The following RERE variants were observed in gnomAD, a reference collection of about 807,000 sequenced individuals.
RERE encodes arginine-glutamic acid dipeptide repeats.
Under a neutral mutation model 146.1 loss-of-function variants are expected in RERE, and 40 were observed. The ratio of observed to expected loss-of-function variants is 0.27; its 90% confidence interval spans 0.21 to 0.36. RERE has a LOEUF of 0.36. RERE is among the 10% of genes least tolerant of loss of function. RERE has a pLI of 1.00. For missense variants in RERE, 1,933 were observed against 2,138.7 expected (o/e 0.90, Z 1.90); for synonymous variants, 1,003 against 866.0 (o/e 1.16, Z -2.78).
At chr1:8,527,957 C>T (rs1570394046) in intron 7 of RERE, among the ~76,000 whole-genome samples, 2 of 152,332 alleles carry the variant, frequency 1.3e-5, no homozygotes, top group East Asian at 3.9e-4. Flanking sequence ...GGAATCCTCT[C>T]ACTGTACCTC....
chr1:8,547,858 T>A (rs1053798620), intron 6 of RERE, among the ~76,000 whole-genome samples: 1 of 152,176 alleles, frequency 6.6e-6, no homozygotes, highest in Non-Finnish European at 1.5e-5. Context: ...CCCACTATTA[T>A]AAATGCACCC....
intron 1 of RERE, among the ~76,000 whole-genome samples, chr1:8,745,152 T>C (rs114249169): frequency 0.011 from 1,605 of 152,184 alleles, 26 homozygotes; most frequent in African/African-American, 0.036. Context: ...CAGGAGGTGA[T>C]TGGATCACAG....
rs573181480 is a variant in RERE, at chr1:8,691,916, A to G, written c.-144-35475T>C. 8.5e-4 allele frequency among the ~76,000 whole-genome samples: 130 copies of G among 152,336 alleles called. 2 individuals are homozygous for G. Among genetic ancestry groups the G allele is most frequent in the Middle Eastern group, 3.4e-3 (1 of 294 alleles). Reference sequence around the variant, plus strand: ...AGTGCACAGTACCTGTTGCATAGTAAGCCCCTGAATATGCACTGCTGCAAT... The same window carrying G: ...AGTGCACAGTACCTGTTGCATAGTAGGCCCCTGAATATGCACTGCTGCAAT... On this transcript the variant is annotated intron_variant, in intron 1 of 22. Coordinates refer to ENST00000400908, the MANE Select transcript of RERE (RefSeq NM_001042681.2).
intron 7 of RERE, among the ~76,000 whole-genome samples, chr1:8,521,871 G>GT (rs1645506011): frequency 6.6e-6 from 1 of 152,134 alleles, no homozygotes; most frequent in Non-Finnish European, 1.5e-5. Context: ...AATGGAGACC[G>GT]TAAGAATAGA....
At chr1:8,602,098 A>G (rs1234133965) in intron 4 of RERE, among the ~76,000 whole-genome samples, 1 of 152,154 alleles carries the variant, frequency 6.6e-6, no homozygotes, top group African/African-American at 2.4e-5. Context: ...AACATAAAGA[A>G]ATGAAAAGCA....
In RERE at chr1:8,556,579, A is replaced by T; in HGVS notation, c.629-8T>A. On this transcript the variant is annotated splice_region_variant and splice_polypyrimidine_tract_variant and intron_variant, in intron 5 of 22. Coordinates refer to ENST00000400908, the MANE Select transcript of RERE (RefSeq NM_001042681.2). ...CAAGTTCTCTTCCAGAGTCTGTCAA[A>T]AAATTAATTAAGACGACATTAAAAC... 1 of 1,535,054 alleles carries T rather than the reference A, an allele frequency of 6.5e-7. No individual in the cohort carries two copies. The highest frequency in any genetic ancestry group is 9.0e-7 in the Non-Finnish European group (1 of 1,110,308).
chr1:8,529,364 A>T lies in RERE; in HGVS notation c.830+11850T>A, dbSNP rs141205212. 2.8e-3 allele frequency among the ~76,000 whole-genome samples: 390 copies of T among 138,876 alleles called. 1 individual carries two copies. Among genetic ancestry groups the T allele is most frequent in the African/African-American group, 0.01 (374 of 36,636 alleles). 91.1% of individuals were successfully genotyped at this position (138,876 alleles called of 152,430 possible). On this transcript the variant is annotated intron_variant, in intron 7 of 22. Coordinates refer to ENST00000400908, the MANE Select transcript of RERE (RefSeq NM_001042681.2). ...GAGTGCAGTGGTGCAATCTCAGCTC[A>T]CTGCAAGCTCCGGGTCCTAGGTTCA... is the stretch of plus-strand genomic sequence containing the variant.
At chr1:8,550,040 T>A (rs1211882973) in intron 6 of RERE, among the ~76,000 whole-genome samples, 1 of 152,384 alleles carries the variant, frequency 6.6e-6, no homozygotes, top group South Asian at 2.1e-4. Flanking sequence ...AGAGAATCTT[T>A]AGTCTAATGC....
intron 6 of RERE, among the ~76,000 whole-genome samples, chr1:8,551,700 C>T (rs541230189): frequency 2.7e-4 from 41 of 152,268 alleles, no homozygotes; most frequent in African/African-American, 9.6e-4. Context: ...CTTTCACACT[C>T]CTTACCATAC....
At chr1:8,418,724 CA>C (rs1643845098) in intron 12 of RERE, among the ~76,000 whole-genome samples, 1 of 152,144 alleles carries the variant, frequency 6.6e-6, no homozygotes, top group Admixed American at 6.5e-5. Context: ...ACAAATCAAA[CA>C]AAAAATTATT....
chr1:8,785,198 T>C (rs1641237960), intron 1 of RERE, among the ~76,000 whole-genome samples: 1 of 152,206 alleles, frequency 6.6e-6, no homozygotes, highest in South Asian at 2.1e-4. Flanking sequence ...CCCCTCAGTA[T>C]GAACCATAAA....
At chr1:8,674,014 C>G (rs937111685) in intron 1 of RERE, among the ~76,000 whole-genome samples, 2 of 152,080 alleles carry the variant, frequency 1.3e-5, no homozygotes, top group African/African-American at 4.8e-5. Flanking sequence ...GCCTGGGCAA[C>G]AGAATAAGAC....
intron 1 of RERE, among the ~76,000 whole-genome samples, chr1:8,683,500 T>G (rs1378475009): frequency 5.9e-5 from 9 of 152,040 alleles, no homozygotes. Context: ...CTACAACCCA[T>G]CCACTGTAGA....
At chr1:8,739,445 T>C (rs1157774169) in intron 1 of RERE, among the ~76,000 whole-genome samples, 2 of 152,164 alleles carry the variant, frequency 1.3e-5, no homozygotes, top group Non-Finnish European at 2.9e-5. Flanking sequence ...TGCTGGTCAC[T>C]AAGAGCTGCA....
chr1:8,489,534 C>T (rs1453691029), intron 10 of RERE, among the ~76,000 whole-genome samples: 2 of 151,662 alleles, frequency 1.3e-5, no homozygotes, highest in African/African-American at 4.8e-5. Flanking sequence ...TGAACAGAGG[C>T]TTCACAAAAA....
intron 1 of RERE, among the ~76,000 whole-genome samples, chr1:8,726,393 T>C (rs1639970542): frequency 6.6e-6 from 1 of 152,086 alleles, no homozygotes; most frequent in Non-Finnish European, 1.5e-5. Flanking sequence ...GACCTCGTGA[T>C]CCACCCGCCT....
intron 4 of RERE, among the ~76,000 whole-genome samples, chr1:8,596,617 CTT>C (rs1009351258): frequency 7.2e-4 from 108 of 150,954 alleles, no homozygotes; most frequent in African/African-American, 2.5e-3. Flanking sequence ...AAGCAATTCT[CTT>C]GTCTGTGGCC....
rs371697686 is a variant in RERE at position 8,360,676 on chromosome 1, G to A, written c.2831C>T (p.Ala944Val). Residue 944 changes from alanine to valine, a missense_variant, in exon 18 of 23, where the codon GCC (alanine) becomes GTC (valine). Transcript: ENST00000400908. The part of the protein sequence containing the change: ...TPIPQLPAPQ[A>V]HKHPPHLSGP... Reference sequence around the variant, plus strand: ...CGAGAGGTGGGGAGGGTGCTTGTGGGCCTGTGGCGCCGGCAGCTGGGGGAT... The same window carrying A: ...CGAGAGGTGGGGAGGGTGCTTGTGGACCTGTGGCGCCGGCAGCTGGGGGAT... 4.5e-6 allele frequency: 7 copies of A among 1,548,726 alleles called. No individual in the cohort carries two copies. The highest frequency in any genetic ancestry group is 4.1e-5 in the African/African-American group (3 of 72,534).
At chr1:8,729,167 CTCAATCAATCAA>C (rs144148246) in intron 1 of RERE, among the ~76,000 whole-genome samples, 3 of 146,504 alleles carry the variant, frequency 2.0e-5, no homozygotes, top group Non-Finnish European at 4.5e-5. Flanking sequence ...GAGACTCCAT[CTCAATCAATCAA>C]TCAATCAATC....
Sources: gnomAD v4.1 joint callset for allele counts (sites outside exome capture counted in the v4.1 genomes callset) on GRCh38, gnomAD v4.1.1 for gene constraint, MANE v1.5 for transcripts, NCBI Gene and HGNC (gene_info 2026-07-23, HGNC 2026-07-21) for gene names.